The following SLC9A5 variants were observed in gnomAD, a reference collection of about 807,000 sequenced individuals.
SLC9A5 encodes solute carrier family 9 member A5.
In SLC9A5, 52 loss-of-function variants were observed where a neutral mutation model predicts 91.7. That is an observed-to-expected ratio of 0.57 (90% CI 0.45 to 0.71). The LOEUF (loss-of-function observed/expected upper bound fraction) is 0.71. Among genes scored for constraint, SLC9A5 ranks in the 30% least tolerant of loss-of-function variants. The pLI is 0.00. For missense variants in SLC9A5, 871 were observed against 1,158.9 expected (o/e 0.75, Z 3.61); for synonymous variants, 419 against 474.5 (o/e 0.88, Z 1.52).
chr16:67,250,047 T>C (rs760767088), intron 1 of SLC9A5, among the ~76,000 whole-genome samples: 25 of 152,164 alleles, frequency 1.6e-4, no homozygotes, highest in Non-Finnish European at 3.1e-4. Flanking sequence ...TGACTAATTA[T>C]AGCTGAGCGT....
chr16:67,252,258 G>A lies in SLC9A5; in HGVS notation c.188-284G>A, dbSNP rs1211353478. On this transcript the variant is annotated intron_variant, in intron 1 of 15. Transcript: ENST00000299798. The surrounding 1 kb of genome is among the most constrained non-coding windows in gnomAD (Gnocchi z 4.0). ...AGGTCAGGAGTTCAAGACCAGCCTG[G>A]CCAACATAGTGAAACCCTGTCTCTA... 2.0e-5 allele frequency among the ~76,000 whole-genome samples: 3 copies of A among 152,136 alleles called. No homozygotes were observed. Among genetic ancestry groups the A allele is most frequent in the Non-Finnish European group, 4.4e-5 (3 of 68,026 alleles).
At chr16:67,260,350 A>G in intron 12 of SLC9A5, among the ~76,000 whole-genome samples, 1 of 138,386 alleles carries the variant, frequency 7.2e-6, no homozygotes, top group African/African-American at 2.7e-5. Context: ...GCAAGACTCC[A>G]TCTCAAAAAA....
At chr16:67,251,073 C>G (rs1423135741) in intron 1 of SLC9A5, among the ~76,000 whole-genome samples, 2 of 152,134 alleles carry the variant, frequency 1.3e-5, no homozygotes, top group Non-Finnish European at 2.9e-5. Flanking sequence ...TCATTTTATC[C>G]TCACCCTTGA....
Position 67,248,986 on chromosome 16 carries a change from G to T in SLC9A5, c.-29G>T, listed in dbSNP as rs763465489. On this transcript the variant is annotated 5_prime_UTR_variant, in exon 1 of 16. Transcript: ENST00000299798. The surrounding 1 kb of genome is among the most constrained non-coding windows in gnomAD (Gnocchi z 5.3). Reference sequence around the variant, plus strand: ...GACGCGGGGCCGGCGGCCGTGCGGTGCCGGGAGGGCGGCTGGGCAGGCGGC... The same window carrying T: ...GACGCGGGGCCGGCGGCCGTGCGGTTCCGGGAGGGCGGCTGGGCAGGCGGC... 1 of 1,223,038 alleles carries T rather than the reference G, an allele frequency of 8.2e-7. No individual in the cohort carries two copies. Among genetic ancestry groups the T allele is most frequent in the South Asian group, 3.0e-5 (1 of 32,870 alleles). 75.8% of individuals were successfully genotyped at this position (1,223,038 alleles called of 1,614,324 possible).
chr16:67,261,302 G>C (rs2035524068), intron 12 of SLC9A5: 1 of 152,206 alleles, frequency 6.6e-6, no homozygotes, highest in Admixed American at 6.5e-5. Context: ...GTCTTCCTCA[G>C]TTAATGGCTG....
Position 67,255,461 on chromosome 16 carries a change from GA to G in SLC9A5, c.725del (p.Lys242ArgfsTer18). 6.2e-7 allele frequency: 1 copy of G among 1,613,864 alleles called. No homozygotes were observed. The highest frequency in any genetic ancestry group is 2.2e-5 in the East Asian group (1 of 44,888). Reference sequence around the variant, plus strand: ...CCAATGTGCAGGCCACTGACTACCTGAAGGGAGTCGGTCAGTATTTCCCCGC... The same window carrying G: ...CCAATGTGCAGGCCACTGACTACCTGAGGGAGTCGGTCAGTATTTCCCCGC... ...SANVQATDYL[K>X]GVASLFVVSL... On this transcript the variant is annotated frameshift_variant, in exon 4 of 16. Coordinates refer to ENST00000299798, the MANE Select transcript of SLC9A5 (RefSeq NM_004594.3). LOFTEE classifies it high-confidence loss of function. The surrounding 1 kb of genome is among the most constrained non-coding windows in gnomAD (Gnocchi z 4.9).
chr16:67,262,153 A>C (rs1344560369), intron 12 of SLC9A5: 3 of 389,584 alleles, frequency 7.7e-6, no homozygotes, highest in African/African-American at 6.2e-5. Context: ...TATCATCTGA[A>C]AATTTGTTAA....
Position 67,266,113 on chromosome 16 carries a change from TGAGGAG to T in SLC9A5, c.2119_2124del (p.Glu707_Glu708del). The stretch of plus-strand genomic sequence containing the variant: ...CTGCTGTGATATTAACCGTGGAGTC[TGAGGAG>T]GAGGAGGAGGAGAGCGACAGTTCAG... On this transcript the variant is annotated inframe_deletion, in exon 15 of 16. Coordinates refer to ENST00000299798, the MANE Select transcript of SLC9A5 (RefSeq NM_004594.3). 4 of 1,609,774 alleles carry T rather than the reference TGAGGAG, an allele frequency of 2.5e-6. No individual in the cohort carries two copies. Among genetic ancestry groups the T allele is most frequent in the Non-Finnish European group, 2.5e-6 (3 of 1,178,010 alleles).
rs774643155 is a variant in SLC9A5 at position 67,252,566 on chromosome 16, C to T, written c.212C>T (p.Thr71Ile). 1 of 1,613,290 alleles carries T rather than the reference C, an allele frequency of 6.2e-7. No homozygotes were observed. The highest frequency in any genetic ancestry group is 1.7e-5 in the Admixed American group (1 of 60,000). ...GTGTTTCACCTGTCTCGGAAAGTAA[C>T]ATCTCTGGTCCCTGAGAGCTGCCTG... ...KIVFHLSRKV[T>I]SLVPESCLLI... The change falls in exon 2 of 16, where the codon ACA becomes ATA. Residue 71 changes from threonine (T) to isoleucine (I), a missense_variant. Thr to Ile is a moderately conservative substitution (Grantham distance 89). Transcript: ENST00000299798. This position sits in a 1 kb window ranked among gnomAD's most constrained non-coding sequence, Gnocchi z 4.0.
chr16:67,255,980 A>T lies in SLC9A5; in HGVS notation c.911+50A>T. ...AGATAGCTGGGAGGGGGCACTGGAG[A>T]TGGTTGCCCCTCATAGGGACACAGG... is the stretch of plus-strand genomic sequence containing the variant. On this transcript the variant is annotated intron_variant, in intron 5 of 15. Coordinates refer to ENST00000299798, the MANE Select transcript of SLC9A5 (RefSeq NM_004594.3). This position sits in a 1 kb window ranked among gnomAD's most constrained non-coding sequence, Gnocchi z 4.9. 6.3e-7 allele frequency: 1 copy of T among 1,581,036 alleles called. No individual in the cohort carries two copies. Among genetic ancestry groups the T allele is most frequent in the Non-Finnish European group, 8.6e-7 (1 of 1,158,836 alleles).
chr16:67,249,764 C>T (rs2035042059), intron 1 of SLC9A5, among the ~76,000 whole-genome samples: 1 of 152,218 alleles, frequency 6.6e-6, no homozygotes, highest in African/African-American at 2.4e-5. Flanking sequence ...CCCCCCCAAC[C>T]CACGTTCAGG....
At position 67,257,201 on chromosome 16, in the gene SLC9A5, C is replaced by T. The variant is rs538549344; in HGVS notation, c.1335+88C>T. On this transcript the variant is annotated intron_variant, in intron 7 of 15. Transcript: ENST00000299798. This position sits in a 1 kb window ranked among gnomAD's most constrained non-coding sequence, Gnocchi z 5.1. ...CCTGTGGGACAGGGGCTTCTCTTCC[C>T]GCTGGGAGATGGAGGGCCCTGACTT... 12 of 1,437,312 alleles carry T rather than the reference C, an allele frequency of 8.3e-6. No individual in the cohort carries two copies. The highest frequency in any genetic ancestry group is 4.2e-5 in the African/African-American group (3 of 71,358). The allele number at this position is 1,437,312 out of a possible 1,614,324, so 89.0% of individuals were successfully genotyped here.
Position 67,252,522 on chromosome 16 carries a change from G to C in SLC9A5, c.188-20G>C, listed in dbSNP as rs572558932. The C allele has an allele frequency of 4.7e-5, 75 of 1,599,986 alleles. No individual in the cohort carries two copies. In the South Asian group the frequency reaches 8.2e-4, roughly 17 times the overall value. On this transcript the variant is annotated intron_variant, in intron 1 of 15. Transcript: ENST00000299798. This position sits in a 1 kb window ranked among gnomAD's most constrained non-coding sequence, Gnocchi z 4.0. ...GATATTCCATAAACTGATCCATCCT[G>C]CACTCTTTTTGCATTGCAGTGTTTC...
Position 67,258,891 on chromosome 16 carries a change from CA to C in SLC9A5, c.1626+449del, listed in dbSNP as rs201767233. On this transcript the variant is annotated intron_variant, in intron 10 of 15. Transcript: ENST00000299798. This position sits in a 1 kb window ranked among gnomAD's most constrained non-coding sequence, Gnocchi z 4.5. ...TGAAACCCTGTCTCTACTAAAAATA[CA>C]AAAACTAGCCAGGCATGGTGGTGCA... is the stretch of plus-strand genomic sequence containing the variant. Among the ~76,000 whole-genome samples, 13,871 of 151,382 alleles carry C rather than the reference CA, an allele frequency of 0.092. 1,062 individuals are homozygous for C. The highest frequency in any genetic ancestry group is 0.22 in the African/African-American group (9,052 of 41,046).
rs1333925872 is a variant in SLC9A5, at chr16:67,267,084, T to G, written c.2218+859T>G. On this transcript the variant is annotated intron_variant, in intron 15 of 15. Coordinates refer to ENST00000299798, the MANE Select transcript of SLC9A5 (RefSeq NM_004594.3). ...TGCACTAGCACACCCAGCTGTTGTTTTTTTTTTTTTTTTTTTTTTTGCTAC... is the reference window on the plus strand; with the variant it reads ...TGCACTAGCACACCCAGCTGTTGTTGTTTTTTTTTTTTTTTTTTTTGCTAC... Among the ~76,000 whole-genome samples, 16 of 143,580 alleles carry G rather than the reference T, an allele frequency of 1.1e-4. 1 individual carries two copies. Among genetic ancestry groups the G allele is most frequent in the South Asian group, 6.9e-4 (3 of 4,376 alleles). The allele number at this position is 143,580 out of a possible 152,430, so 94.2% of individuals were successfully genotyped here. A position where few individuals can be genotyped will look rare whatever the true frequency, so the allele number is the denominator to read the frequency against.
At position 67,252,969 on chromosome 16, in the gene SLC9A5, A is replaced by G. The variant is rs1274528312; in HGVS notation, c.490+125A>G. On this transcript the variant is annotated intron_variant, in intron 2 of 15. Transcript: ENST00000299798. This position sits in a 1 kb window ranked among gnomAD's most constrained non-coding sequence, Gnocchi z 4.0. ...CTCCATCCTAGGTCCCTCCCTCTGG[A>G]GTGCAAGGCAGTGCTCCCGCTGGGG... is the stretch of plus-strand genomic sequence containing the variant. 9 of 813,870 alleles carry G rather than the reference A, an allele frequency of 1.1e-5. No individual in the cohort carries two copies. In the South Asian group the frequency reaches 1.6e-4, roughly 15 times the overall value. 50.4% of individuals were successfully genotyped at this position (813,870 alleles called of 1,614,324 possible).
At chr16:67,260,100 G>T (rs1027591676) in intron 12 of SLC9A5, among the ~76,000 whole-genome samples, 154 bp downstream of exon 12, 4 of 151,936 alleles carry the variant, frequency 2.6e-5, no homozygotes, top group Admixed American at 1.3e-4. Context: ...TGTAATCTCA[G>T]CACTTTGGGA....
chr16:67,265,217 C>A, intron 14 of SLC9A5, 111 bp downstream of exon 14: 1 of 944,260 alleles, frequency 1.1e-6, no homozygotes, highest in Non-Finnish European at 1.7e-6. Context: ...GCACCGTGAC[C>A]TGGGGCTCTT....
At chr16:67,260,070 C>G in intron 12 of SLC9A5, 124 bp downstream of exon 12, 1 of 1,329,050 alleles carries the variant, frequency 7.5e-7, no homozygotes, top group South Asian at 1.5e-5. Flanking sequence ...GGGTTTCAGC[C>G]GGGTGCGATG....
Sources: allele counts gnomAD v4.1 joint callset (sites outside exome capture counted in the v4.1 genomes callset), GRCh38; gene constraint gnomAD v4.1.1; non-coding constraint Gnocchi (gnomAD v3.1); transcripts MANE v1.5; gene names NCBI Gene and HGNC (gene_info 2026-07-23, HGNC 2026-07-21).